The following LPL variants were observed in gnomAD, a reference collection of about 807,000 sequenced individuals.
LPL encodes phospholipase A1.
A neutral mutation model predicts 52.2 loss-of-function variants in LPL; 43 were observed. The ratio of observed to expected loss-of-function variants is 0.82; its 90% confidence interval spans 0.64 to 1.06. The LOEUF (loss-of-function observed/expected upper bound fraction) is 1.06, where lower values mean the gene tolerates loss of function less well. LPL is among the 50% of genes least tolerant of loss of function. The pLI is 0.00. For missense variants in LPL, 639 were observed against 585.3 expected (o/e 1.09, Z -0.95); for synonymous variants, 244 against 215.6 (o/e 1.13, Z -1.15).
At chr8:19,957,191 C>T (rs752378503) in intron 6 of LPL, among the ~76,000 whole-genome samples, 1 of 152,154 alleles carries the variant, frequency 6.6e-6, no homozygotes, top group Non-Finnish European at 1.5e-5. Context: ...CAAGCTTGGC[C>T]TCTTGTTTAG....
intron 2 of LPL, among the ~76,000 whole-genome samples, chr8:19,948,886 T>C (rs1474152628): frequency 2.6e-5 from 4 of 151,748 alleles, no homozygotes; most frequent in Admixed American, 2.0e-4. Flanking sequence ...AAAAACACTC[T>C]ACTTCCAAAA....
chr8:19,948,429 C>A, intron 2 of LPL, 89 bp downstream of exon 2: 1 of 1,444,040 alleles, frequency 6.9e-7, no homozygotes, highest in Non-Finnish European at 9.5e-7. Context: ...GTGATGGGTC[C>A]GCACCCCACA....
chr8:19,945,462 T>G (rs768868933), intron 1 of LPL, among the ~76,000 whole-genome samples: 43 of 152,200 alleles, frequency 2.8e-4, no homozygotes, highest in African/African-American at 9.2e-4. Flanking sequence ...TCCTGTCAAA[T>G]GAAAATCATT....
chr8:19,946,537 C>T (rs570699004), intron 1 of LPL: 4 of 278,846 alleles, frequency 1.4e-5, no homozygotes, highest in South Asian at 3.1e-5. Flanking sequence ...GCCTGACTTC[C>T]GCAGTTATTT....
At chr8:19,952,754 T>C (rs1049290743) in intron 3 of LPL, among the ~76,000 whole-genome samples, 2 of 152,218 alleles carry the variant, frequency 1.3e-5, no homozygotes, top group Admixed American at 6.5e-5. Flanking sequence ...GGCTGGACCA[T>C]GTACCTCTGG....
At chr8:19,963,201 T>G (rs1372052894) in intron 9 of LPL, among the ~76,000 whole-genome samples, 1 of 152,162 alleles carries the variant, frequency 6.6e-6, no homozygotes, top group Non-Finnish European at 1.5e-5. Context: ...TTTGGGAGGC[T>G]GAGGCAGGTG....
intron 1 of LPL, among the ~76,000 whole-genome samples, chr8:19,947,567 G>A (rs1201796025): frequency 6.6e-6 from 1 of 151,926 alleles, no homozygotes; most frequent in Admixed American, 6.6e-5. Flanking sequence ...GAGTTCGAGG[G>A]TGCAGTGAAC....
At chr8:19,954,454 C>A in intron 5 of LPL, 101 bp downstream of exon 5, 2 of 1,156,272 alleles carry the variant, frequency 1.7e-6, no homozygotes, top group Non-Finnish European at 2.5e-6. Flanking sequence ...TTTTCATATA[C>A]ACATTTGGCC....
At chr8:19,952,370 G>GA (rs1387522298) in intron 3 of LPL, among the ~76,000 whole-genome samples, 2 of 152,188 alleles carry the variant, frequency 1.3e-5, no homozygotes, top group Non-Finnish European at 2.9e-5. Context: ...TCTTTAGTGT[G>GA]AAATAGGATG....
At position 19,960,868 on chromosome 8, in the gene LPL, ATAAC is replaced by A. The variant is rs767069210; in HGVS notation, c.1140-28_1140-25del. 9 of 1,578,770 alleles carry A rather than the reference ATAAC, an allele frequency of 5.7e-6. No homozygotes were observed. The African/African-American group carries it at 8.1e-5, about 14-fold the overall frequency. On this transcript the variant is annotated intron_variant, in intron 7 of 9. Transcript: ENST00000650287. The stretch of plus-strand genomic sequence containing the variant: ...TGGGGGGCAGGGAGAGCTGATCTCT[ATAAC>A]TAACCAAATTTATTGCTTTTTTGTT...
At position 19,959,321 on chromosome 8, in the gene LPL, G is replaced by A. The variant is rs1043502015; in HGVS notation, c.1080G>A (p.Gln360=). ...SGTESETHTN[Q]AFEISLYGTV... is the part of the protein sequence containing the mutation. ...CTGAGAGTGAAACCCATACCAATCA[G>A]GCCTTTGAGATTTCTCTGTATGGCA... The change falls in exon 7 of 10, where the codon CAG becomes CAA. Residue 360 remains glutamine, a synonymous_variant. Coordinates refer to ENST00000650287, the MANE Select transcript of LPL (RefSeq NM_000237.3). 3.7e-6 allele frequency: 6 copies of A among 1,614,120 alleles called. No homozygotes were observed. The highest frequency in any genetic ancestry group is 5.1e-6 in the Non-Finnish European group (6 of 1,180,022).
In LPL at chr8:19,946,236, T is replaced by A. The variant is rs553559587; in HGVS notation, c.89-1944T>A. Among the ~76,000 whole-genome samples, 4 of 152,322 alleles carry A rather than the reference T, an allele frequency of 2.6e-5. No homozygotes were observed. The South Asian group carries it at 8.3e-4, about 32-fold the overall frequency. On this transcript the variant is annotated intron_variant, in intron 1 of 9. Transcript: ENST00000650287. ...TAGTTTAGCAAGACTCTTATTTGAA[T>A]AAGTGATCTTGGAGTGTTTACCCAT...
chr8:19,942,970 A>G (rs1022561958), intron 1 of LPL, among the ~76,000 whole-genome samples: 1 of 152,190 alleles, frequency 6.6e-6, no homozygotes, highest in Admixed American at 6.5e-5. Flanking sequence ...ATCAAATGCT[A>G]TCTAAGTAGT....
At chr8:19,952,509 C>T (rs2069943074) in intron 3 of LPL, among the ~76,000 whole-genome samples, 1 of 152,136 alleles carries the variant, frequency 6.6e-6, no homozygotes. Context: ...CACTTTTTCA[C>T]ACGATCCCTT....
chr8:19,964,412 TTA>T (rs2070067927), intron 9 of LPL, among the ~76,000 whole-genome samples: 1 of 152,254 alleles, frequency 6.6e-6, no homozygotes, highest in Admixed American at 6.5e-5. Context: ...GTCGTATTTT[TTA>T]TATGTTACAA....
chr8:19,952,449 A>G (rs2069942739), intron 3 of LPL, among the ~76,000 whole-genome samples: 1 of 152,216 alleles, frequency 6.6e-6, no homozygotes. Flanking sequence ...GAAGGTGCAT[A>G]GGATAGAAGG....
At chr8:19,963,734 C>T (rs1464781862) in intron 9 of LPL, among the ~76,000 whole-genome samples, 1 of 152,012 alleles carries the variant, frequency 6.6e-6, no homozygotes. Flanking sequence ...ATGAGAACAT[C>T]TGGATCAAAA....
chr8:19,958,579 T>C (rs993585483), intron 6 of LPL, among the ~76,000 whole-genome samples: 5 of 152,226 alleles, frequency 3.3e-5, no homozygotes, highest in Admixed American at 6.5e-5. Flanking sequence ...AAAAAAATTT[T>C]ATTTATTTCC....
intron 1 of LPL, among the ~76,000 whole-genome samples, chr8:19,945,130 A>G (rs1001318619): frequency 6.6e-6 from 1 of 152,198 alleles, no homozygotes; most frequent in Non-Finnish European, 1.5e-5. Context: ...TGTATGGAAA[A>G]TAACTGTTTC....
Sources: allele counts gnomAD v4.1 joint callset (sites outside exome capture counted in the v4.1 genomes callset), GRCh38; gene constraint gnomAD v4.1.1; transcripts MANE v1.5; gene names NCBI Gene and HGNC (gene_info 2026-07-23, HGNC 2026-07-21).